NBPF19: variants seen among roughly 807,000 people sequenced by gnomAD.
NBPF19 encodes the protein NBPF member 19.
A neutral mutation model predicts 45.9 loss-of-function variants in NBPF19; 30 were observed. That is an observed-to-expected ratio of 0.65 (90% CI 0.49 to 0.89). The LOEUF (loss-of-function observed/expected upper bound fraction) is 0.89, where lower values mean the gene tolerates loss of function less well. Ranked by LOEUF, NBPF19 falls within the 40% of genes least tolerant of loss-of-function variation. The pLI is 0.00. For missense variants in NBPF19, 495 were observed against 471.8 expected, an observed-to-expected ratio of 1.05 and a Z score of -0.46; for synonymous variants, 183 against 181.2, an observed-to-expected ratio of 1.01 and a Z score of -0.08.
Position 149,554,739 on chromosome 1 carries a change from G to A in NBPF19, c.*1G>A, listed in dbSNP as rs2087204308. The A allele has an allele frequency of 6.2e-7, 1 of 1,607,986 alleles. No individual in the cohort carries two copies. Among genetic ancestry groups the A allele is most frequent in the East Asian group, 2.2e-5 (1 of 44,834 alleles). On this transcript the variant is annotated 3_prime_UTR_variant, in exon 94 of 94. Coordinates refer to ENST00000651566, the MANE Select transcript of NBPF19 (RefSeq NM_001351365.2). The stretch of plus-strand genomic sequence containing the variant: ...GATGTTAGTCATATTCCCACAATAG[G>A]CAGCCCTTACTAAGCCGAGAGATGT...
Position 149,554,751 on chromosome 1 carries a change from A to C in NBPF19, c.*13A>C. ...ATTCCCACAATAGGCAGCCCTTACT[A>C]AGCCGAGAGATGTCATTCCTGCAGG... On this transcript the variant is annotated 3_prime_UTR_variant, in exon 94 of 94. Coordinates refer to ENST00000651566, the MANE Select transcript of NBPF19 (RefSeq NM_001351365.2). 12 of 1,607,818 alleles carry C rather than the reference A, an allele frequency of 7.5e-6. No individual in the cohort carries two copies. In the South Asian group the frequency reaches 1.3e-4, roughly 18 times the overall value.
Position 149,554,684 on chromosome 1 carries a change from G to A in NBPF19, c.11478G>A (p.Leu3826=), listed in dbSNP as rs2087202074. Residue 3826 remains leucine, a synonymous_variant, in exon 94 of 94, where the codon TTG becomes TTA. Coordinates refer to ENST00000651566, the MANE Select transcript of NBPF19 (RefSeq NM_001351365.2). ...ACTTGGACAATAGGTTTTTTACTTT[G>A]ACGGTGACAAGTCTCCATCTGGTGT... ...ALYLDNRFFT[L]TVTSLHLVFQ... 2 of 1,608,222 alleles carry A rather than the reference G, an allele frequency of 1.2e-6. No homozygotes were observed. The highest frequency in any genetic ancestry group is 3.3e-5 in the Admixed American group (2 of 59,898).
rs2087243880 is a variant in NBPF19, at chr1:149,556,126, C to T, written c.*1388C>T. 6.8e-6 allele frequency: 1 copy of T among 147,868 alleles called. No homozygotes were observed. The highest frequency in any genetic ancestry group is 1.5e-5 in the Non-Finnish European group (1 of 66,926). 9.2% of individuals were successfully genotyped at this position (147,868 alleles called of 1,614,324 possible). A position where few individuals can be genotyped will look rare whatever the true frequency, so the allele number is the denominator to read the frequency against. On this transcript the variant is annotated 3_prime_UTR_variant, in exon 94 of 94. Coordinates refer to ENST00000651566, the MANE Select transcript of NBPF19 (RefSeq NM_001351365.2). Reference sequence around the variant, plus strand: ...TATCTCTACGCTGCAAAATTTGGGTCTCAATTTTTACTGTGCCTTTGTTTT... The same window carrying T: ...TATCTCTACGCTGCAAAATTTGGGTTTCAATTTTTACTGTGCCTTTGTTTT...
Position 149,487,803 on chromosome 1 carries a change from G to GTGTGTGTT in NBPF19, c.1041-203_1041-202insTTGTGTGT, listed in dbSNP as rs1553710667. Among the ~76,000 whole-genome samples the GTGTGTGTT allele has an allele frequency of 3.6e-3, 543 of 149,104 alleles. 9 individuals are homozygous for GTGTGTGTT. Among genetic ancestry groups the GTGTGTGTT allele is most frequent in the African/African-American group, 0.013 (506 of 40,450 alleles). On this transcript the variant is annotated intron_variant, in intron 9 of 93. Coordinates refer to ENST00000651566, the MANE Select transcript of NBPF19 (RefSeq NM_001351365.2). ...TGTGTGTGTGTGTGTGTGTGTGTGT[G>GTGTGTGTT]TGTGTGTGTGTGTGTGTGTGTCTTT...
intron 3 of NBPF19, among the ~76,000 whole-genome samples, 167 bp from the exon 4 acceptor site, chr1:149,478,713 G>A (rs1232327015): frequency 6.6e-6 from 1 of 150,724 alleles, no homozygotes; most frequent in South Asian, 2.1e-4. Context: ...AAAGCCTGTA[G>A]ACCATTTTCT....
Position 149,478,750 on chromosome 1 carries a change from C to G in NBPF19, c.279-130C>G, listed in dbSNP as rs1370381949. 30 of 1,096,560 alleles carry G rather than the reference C, an allele frequency of 2.7e-5. 2 individuals are homozygous for G. The highest frequency in any genetic ancestry group is 4.2e-5 in the Non-Finnish European group (30 of 714,282). The allele number at this position is 1,096,560 out of a possible 1,614,324, so 67.9% of individuals were successfully genotyped here. A position where few individuals can be genotyped will look rare whatever the true frequency, so the allele number is the denominator to read the frequency against. ...TTCTTCCTCTTGGCCACAGTCATTC[C>G]TTTCAACATGTGCTGACCTTCTGCT... On this transcript the variant is annotated intron_variant, in intron 3 of 93. Coordinates refer to ENST00000651566, the MANE Select transcript of NBPF19 (RefSeq NM_001351365.2).
rs2087248662 is a variant in NBPF19 at position 149,556,354 on chromosome 1, C to CT, written c.*1616_*1617insT. On this transcript the variant is annotated 3_prime_UTR_variant, in exon 94 of 94. Transcript: ENST00000651566. Reference sequence around the variant, plus strand: ...CTGATGTGAATTAATAAAAACATTTCATTTCCATGTTTATTTTCTAATCTC... The same window carrying CT: ...CTGATGTGAATTAATAAAAACATTTCTATTTCCATGTTTATTTTCTAATCTC... 1 of 150,320 alleles carries CT rather than the reference C, an allele frequency of 6.7e-6. No homozygotes were observed. The highest frequency in any genetic ancestry group is 2.4e-5 in the African/African-American group (1 of 40,906). 9.3% of individuals were successfully genotyped at this position (150,320 alleles called of 1,614,324 possible).
rs2084765194 is a variant in NBPF19, at chr1:149,475,294, A to AT, written c.-537_-536insT. 2.0e-5 allele frequency among the ~76,000 whole-genome samples: 3 copies of AT among 150,270 alleles called. No individual in the cohort carries two copies. Among genetic ancestry groups the AT allele is most frequent in the Non-Finnish European group, 4.5e-5 (3 of 67,336 alleles). On this transcript the variant is annotated 5_prime_UTR_variant, in exon 1 of 94. Transcript: ENST00000651566. ...AAAGTTTGATATCTTACACCTGTGG[A>AT]AAAGCCTTAAGCTCTGTTTTAACTG... is the stretch of plus-strand genomic sequence containing the variant.
rs1437689403 is a variant in NBPF19 at position 149,554,688 on chromosome 1, G to A, written c.11482G>A (p.Val3828Met). ...YLDNRFFTLT[V>M]TSLHLVFQML... ...GGACAATAGGTTTTTTACTTTGACG[G>A]TGACAAGTCTCCATCTGGTGTTCCA... is the stretch of plus-strand genomic sequence containing the variant. Residue 3828 changes from valine (V) to methionine (M), a missense_variant, in exon 94 of 94, where the codon GTG (valine) becomes ATG (methionine). By Grantham distance (21) the Val-to-Met change is conservative (BLOSUM62 1). This residue lies in a region of NBPF19 where 248 missense variants were observed against 95.4 expected (regional missense o/e 2.60). Transcript: ENST00000651566. The A allele has an allele frequency of 3.7e-6, 6 of 1,608,128 alleles. 1 individual carries two copies. The African/African-American group carries it at 4.0e-5, about 11-fold the overall frequency.
rs1165323649 is a variant in NBPF19, at chr1:149,478,124, A to G, written c.278+77A>G. The stretch of plus-strand genomic sequence containing the variant: ...AAGTACAGCAGCTCGGCGGGGAGAA[A>G]TAAGAACGAAGCTGGGCCAGGGGAA... On this transcript the variant is annotated intron_variant, in intron 3 of 93. Transcript: ENST00000651566. 3.8e-5 allele frequency: 37 copies of G among 975,068 alleles called. 1 individual carries two copies. Among genetic ancestry groups the G allele is most frequent in the South Asian group, 2.3e-4 (18 of 77,084 alleles). 60.4% of individuals were successfully genotyped at this position (975,068 alleles called of 1,614,324 possible).
chr1:149,554,733 C>A lies in NBPF19; in HGVS notation c.11527C>A (p.Gln3843Lys), dbSNP rs1252512056. 50 of 1,608,048 alleles carry A rather than the reference C, an allele frequency of 3.1e-5. 3 individuals carry two copies. The highest frequency in any genetic ancestry group is 2.2e-4 in the Middle Eastern group (1 of 4,448). The change falls in exon 94 of 94, where the codon CAA becomes AAA. Residue 3843 changes from glutamine (Q) to lysine (K), a missense_variant. By Grantham distance (53) the Gln-to-Lys change is moderately conservative. This residue lies in a region of NBPF19 where 248 missense variants were observed against 95.4 expected (regional missense o/e 2.60). Transcript: ENST00000651566. ...LVFQMLVIFPQ is the reference protein window; with the variant it reads ...LVFQMLVIFPK ...GTTCCAGATGTTAGTCATATTCCCA[C>A]AATAGGCAGCCCTTACTAAGCCGAG...
chr1:149,487,310 G>C (rs9438044), intron 8 of NBPF19, 22 bp from the exon 9 acceptor site: 33 of 1,548,498 alleles, frequency 2.1e-5, no homozygotes, highest in African/African-American at 1.5e-4. Context: ...ATGTAAGAGG[G>C]CCCATCTGAA....
At position 149,487,334 on chromosome 1, in the gene NBPF19, C is replaced by T. The variant is rs7535142; in HGVS notation, c.991C>T (p.His331Tyr). Reference sequence around the variant, plus strand: ...GGCCCATCTGAATTTATTTGCAGGACATCGCTGGGATCAAGTGAAAAAGGA... The same window carrying T: ...GGCCCATCTGAATTTATTTGCAGGATATCGCTGGGATCAAGTGAAAAAGGA... ...QVCMAVDIGR[H>Y]RWDQVKKEDQ... The change falls in exon 9 of 94, where the codon CAT (histidine) becomes TAT (tyrosine). Residue 331 changes from histidine (H) to tyrosine (Y), a missense_variant and splice_region_variant. This residue lies in a region of NBPF19 where 146 missense variants were observed against 67.3 expected (regional missense o/e 2.17). Transcript: ENST00000651566. The T allele has an allele frequency of 1.9e-6, 3 of 1,564,960 alleles. No homozygotes were observed. The highest frequency in any genetic ancestry group is 3.6e-4 in the Middle Eastern group (2 of 5,494).
Position 149,555,021 on chromosome 1 carries a change from A to T in NBPF19, c.*283A>T, listed in dbSNP as rs1218939994. On this transcript the variant is annotated 3_prime_UTR_variant, in exon 94 of 94. Coordinates refer to ENST00000651566, the MANE Select transcript of NBPF19 (RefSeq NM_001351365.2). ...CCACGTATCTTTGGGTAGCTACAAA[A>T]TTCCTCAGGGATTTCATTTTGCAGG... 1.9e-6 allele frequency: 1 copy of T among 528,266 alleles called. No individual in the cohort carries two copies. The allele number at this position is 528,266 out of a possible 1,614,324, so 32.7% of individuals were successfully genotyped here.
intron 45 of NBPF19, among the ~76,000 whole-genome samples, chr1:149,516,313 TTCTC>T (rs1238448427): frequency 4.8e-5 from 5 of 105,074 alleles, no homozygotes; most frequent in Admixed American, 9.0e-5. Context: ...CTAGGTCACT[TTCTC>T]TCTGTCTCTG....
Position 149,554,922 on chromosome 1 carries a change from C to G in NBPF19, c.*184C>G. On this transcript the variant is annotated 3_prime_UTR_variant, in exon 94 of 94. Coordinates refer to ENST00000651566, the MANE Select transcript of NBPF19 (RefSeq NM_001351365.2). ...GTGCTCAGTCTGAAGACAATGGACC[C>G]ACGTTAGGTGTGACACGTTCACATA... The G allele has an allele frequency of 3.7e-6, 4 of 1,081,740 alleles. No homozygotes were observed. In the South Asian group the frequency reaches 6.1e-5, roughly 17 times the overall value. The allele number at this position is 1,081,740 out of a possible 1,614,324, so 67.0% of individuals were successfully genotyped here. A position where few individuals can be genotyped will look rare whatever the true frequency, so the allele number is the denominator to read the frequency against.
rs1229451917 is a variant in NBPF19 at position 149,488,072 on chromosome 1, G to C, written c.1100G>C (p.Arg367Thr). The C allele has an allele frequency of 1.3e-5, 9 of 671,972 alleles. 2 individuals carry two copies. In the East Asian group the frequency reaches 1.6e-4, roughly 12 times the overall value. 41.6% of individuals were successfully genotyped at this position (671,972 alleles called of 1,614,324 possible). A position where few individuals can be genotyped will look rare whatever the true frequency, so the allele number is the denominator to read the frequency against. ...GPEVLQDSLDRCYSTPSGCLE... is the reference protein window; with the variant it reads ...GPEVLQDSLDTCYSTPSGCLE... ...GAAGTCTTGCAGGACTCACTGGATA[G>C]ATGTTATTCAACTCCTTCAGGTTGT... Residue 367 changes from arginine (R) to threonine (T), a missense_variant, in exon 10 of 94, where the codon AGA becomes ACA. Around this residue, in one of 8 missense-constraint regions of NBPF19, gnomAD observed 146 missense variants for 67.3 expected, o/e 2.17. Coordinates refer to ENST00000651566, the MANE Select transcript of NBPF19 (RefSeq NM_001351365.2).
rs2087245030 is a variant in NBPF19 at position 149,556,198 on chromosome 1, G to C, written c.*1460G>C. The stretch of plus-strand genomic sequence containing the variant: ...AAAGAAGAAAACATTCTCTGCCTGA[G>C]TTTTAATTTTTGTCCAAAGTTAATT... On this transcript the variant is annotated 3_prime_UTR_variant, in exon 94 of 94. Transcript: ENST00000651566. The C allele has an allele frequency of 1.4e-5, 2 of 147,412 alleles. No homozygotes were observed. Among genetic ancestry groups the C allele is most frequent in the African/African-American group, 5.0e-5 (2 of 39,900 alleles). 9.1% of individuals were successfully genotyped at this position (147,412 alleles called of 1,614,324 possible).
chr1:149,477,130 A>G (rs1244477883), intron 2 of NBPF19, among the ~76,000 whole-genome samples: 2 of 148,966 alleles, frequency 1.3e-5, no homozygotes, highest in African/African-American at 4.9e-5. Flanking sequence ...GCTCCATCCA[A>G]GTTGCTTGTC....
Sources: allele counts gnomAD v4.1 joint callset (sites outside exome capture counted in the v4.1 genomes callset), GRCh38; gene constraint gnomAD v4.1.1; regional missense constraint gnomAD v4.1.1; transcripts MANE v1.5; gene names NCBI Gene and HGNC (gene_info 2026-07-23, HGNC 2026-07-21).